SLC71A2: variants seen among roughly 807,000 people sequenced by gnomAD.
The protein encoded by SLC71A2 is hippocampus abundant transcript-like 1.
chr9:94,374,601 G>C, the SLC71A2 span: 1 of 153,158 alleles, frequency 6.5e-6, no homozygotes, highest in Non-Finnish European at 1.5e-5. Flanking sequence ...GGTGCGGTTT[G>C]ATAAGTGGTC....
the SLC71A2 span, among the ~76,000 whole-genome samples, chr9:94,420,429 T>TA: frequency 6.6e-6 from 1 of 152,140 alleles, no homozygotes; most frequent in Non-Finnish European, 1.5e-5. Context: ...AGTAACTTAA[T>TA]AAATAAATGC....
the SLC71A2 span, among the ~76,000 whole-genome samples, chr9:94,417,819 C>T: frequency 6.8e-6 from 1 of 147,516 alleles, no homozygotes; most frequent in Admixed American, 6.9e-5. Flanking sequence ...TGTCCCTTTA[C>T]TCCTTTTGAG....
At chr9:94,379,529 A>G in the SLC71A2 span, among the ~76,000 whole-genome samples, 3 of 149,302 alleles carry the variant, frequency 2.0e-5, no homozygotes, top group African/African-American at 5.0e-5. Context: ...AGCAAGGACT[A>G]TAGGCACGTG....
the SLC71A2 span, among the ~76,000 whole-genome samples, chr9:94,398,250 T>C: frequency 6.7e-6 from 1 of 150,034 alleles, no homozygotes; most frequent in Non-Finnish European, 1.5e-5. Context: ...CTTATGTTCC[T>C]GGACCAAACT....
At chr9:94,458,271 T>C in the SLC71A2 span, 6 of 1,563,326 alleles carry the variant, frequency 3.8e-6, no homozygotes, top group Admixed American at 4.0e-5. Context: ...GCTCCAAATC[T>C]TGAGATGCCT....
the SLC71A2 span, chr9:94,429,049 G>A: frequency 7.7e-7 from 1 of 1,301,050 alleles, no homozygotes; most frequent in Non-Finnish European, 1.1e-6. Flanking sequence ...CAGTTTGTTT[G>A]TTTATTTTTT....
chr9:94,418,209 CTGTT>C, the SLC71A2 span, among the ~76,000 whole-genome samples: 10 of 151,978 alleles, frequency 6.6e-5, no homozygotes. Context: ...CTCTGAGGAG[CTGTT>C]TATTTATTTT....
chr9:94,444,498 G>A, the SLC71A2 span, among the ~76,000 whole-genome samples: 6 of 152,220 alleles, frequency 3.9e-5, no homozygotes, highest in Admixed American at 3.3e-4. Flanking sequence ...TTCAAACAGT[G>A]CAGTGTTTTT....
the SLC71A2 span, among the ~76,000 whole-genome samples, chr9:94,431,051 G>A: frequency 0.1 from 15,721 of 152,152 alleles, 1,453 homozygotes; most frequent in East Asian, 0.35. Flanking sequence ...GGTGGCTCAC[G>A]CCTGTAATCC....
the SLC71A2 span, among the ~76,000 whole-genome samples, chr9:94,455,932 G>A: frequency 6.6e-6 from 1 of 152,142 alleles, no homozygotes; most frequent in Non-Finnish European, 1.5e-5. Context: ...ATCTCCTTGC[G>A]AACTTCATTG....
the SLC71A2 span, chr9:94,374,594 G>A: frequency 6.5e-6 from 1 of 153,036 alleles, no homozygotes; most frequent in Non-Finnish European, 1.5e-5. Context: ...CGGGGTCGGT[G>A]CGGTTTGATA....
chr9:94,421,447 A>G, the SLC71A2 span, among the ~76,000 whole-genome samples: 1 of 152,172 alleles, frequency 6.6e-6, no homozygotes, highest in East Asian at 1.9e-4. Flanking sequence ...GGAATCATAC[A>G]ATGTATACTC....
At chr9:94,460,717 G>T in the SLC71A2 span, 149 of 151,964 alleles carry the variant, frequency 9.8e-4, 3 homozygotes, top group Middle Eastern at 6.8e-3. Flanking sequence ...TGTAAATCTT[G>T]TATTTATAAA....
At chr9:94,443,962 TC>T in the SLC71A2 span, among the ~76,000 whole-genome samples, 1 of 152,162 alleles carries the variant, frequency 6.6e-6, no homozygotes, top group Non-Finnish European at 1.5e-5. Context: ...TTTTTTCCCC[TC>T]CAAAAATACT....
chr9:94,435,979 A>C, the SLC71A2 span, among the ~76,000 whole-genome samples: 7 of 147,024 alleles, frequency 4.8e-5, no homozygotes, highest in African/African-American at 1.8e-4. Context: ...GGCTTTCTTT[A>C]CTTGCTTTCT....
At chr9:94,384,719 A>G in the SLC71A2 span, among the ~76,000 whole-genome samples, 1 of 151,968 alleles carries the variant, frequency 6.6e-6, no homozygotes, top group African/African-American at 2.4e-5. Context: ...TATATTCTGG[A>G]TATTAACTCC....
At chr9:94,451,433 G>T in the SLC71A2 span, 1 of 1,243,544 alleles carries the variant, frequency 8.0e-7, no homozygotes, top group South Asian at 1.5e-5. Flanking sequence ...TATTACTAAA[G>T]TGTTTTCATT....
the SLC71A2 span, chr9:94,453,912 C>G: frequency 3.2e-6 from 4 of 1,256,654 alleles, no homozygotes; most frequent in Non-Finnish European, 4.7e-6. Flanking sequence ...TATTTTAATT[C>G]TGTGTGTTGA....
the SLC71A2 span, chr9:94,459,149 C>T: frequency 6.2e-7 from 1 of 1,608,612 alleles, no homozygotes; most frequent in African/African-American, 1.3e-5. Flanking sequence ...ACTTGTTTTC[C>T]ACGTTCAACA....
Sources: gnomAD v4.1 joint callset for allele counts (sites outside exome capture counted in the v4.1 genomes callset) on GRCh38, gnomAD v4.1.1 for gene constraint, MANE v1.5 for transcripts, NCBI Gene and HGNC (gene_info 2026-07-23, HGNC 2026-07-21) for gene names.